Variants in REDIC1 observed in about 807,000 individuals in gnomAD.
REDIC1 encodes regulator of DNA class I crossover intermediates 1.
At chr12:39,672,763 T>C in the REDIC1 span, among the ~76,000 whole-genome samples, 7 of 152,122 alleles carry the variant, frequency 4.6e-5, no homozygotes, top group Non-Finnish European at 7.4e-5. Context: ...GCAGCACCCA[T>C]CTAGATGGAC....
chr12:39,672,416 G>A, the REDIC1 span, among the ~76,000 whole-genome samples: 1 of 152,220 alleles, frequency 6.6e-6, no homozygotes, highest in Admixed American at 6.5e-5. Context: ...CTGCTGCTAG[G>A]GGGAGGCAGT....
At chr12:39,787,539 T>C in the REDIC1 span, among the ~76,000 whole-genome samples, 48 of 152,308 alleles carry the variant, frequency 3.2e-4, no homozygotes, top group Middle Eastern at 3.4e-3. Context: ...ATACTACTTT[T>C]CTTAATCTTT....
chr12:39,712,668 C>A, the REDIC1 span, among the ~76,000 whole-genome samples: 1 of 134,390 alleles, frequency 7.4e-6, no homozygotes. Context: ...TGTATGTATA[C>A]ATGTGTATAT....
chr12:39,865,474 G>T, the REDIC1 span, among the ~76,000 whole-genome samples: 2 of 152,082 alleles, frequency 1.3e-5, no homozygotes, highest in African/African-American at 4.8e-5. Flanking sequence ...TTTCCTGTTG[G>T]TATTTGAAAG....
the REDIC1 span, chr12:39,829,486 A>C: frequency 1.3e-4 from 11 of 83,302 alleles, no homozygotes; most frequent in African/African-American, 7.1e-4. Context: ...AGCTCACTGC[A>C]ATCTCTATCT....
At chr12:39,881,419 T>G in the REDIC1 span, among the ~76,000 whole-genome samples, 1 of 152,124 alleles carries the variant, frequency 6.6e-6, no homozygotes, top group Non-Finnish European at 1.5e-5. Context: ...ATGCATCATT[T>G]CCTCACGACT....
chr12:39,678,629 C>CAAAAAAAAAAAAA, the REDIC1 span, among the ~76,000 whole-genome samples: 3 of 96,232 alleles, frequency 3.1e-5, no homozygotes, highest in Non-Finnish European at 6.2e-5. Context: ...AAAGGCATAA[C>CAAAAAAAAAAAAA]AAAAAAAAAA....
the REDIC1 span, among the ~76,000 whole-genome samples, chr12:39,631,669 C>A: frequency 6.6e-6 from 1 of 152,136 alleles, no homozygotes; most frequent in Admixed American, 6.5e-5. Flanking sequence ...TGGATAGTAT[C>A]TTCCATTTGG....
At chr12:39,804,361 C>T in the REDIC1 span, among the ~76,000 whole-genome samples, 4 of 152,068 alleles carry the variant, frequency 2.6e-5, no homozygotes, top group African/African-American at 9.7e-5. Context: ...TAATATACTT[C>T]GAGCTATGTG....
chr12:39,789,345 A>T, the REDIC1 span, among the ~76,000 whole-genome samples: 1 of 152,150 alleles, frequency 6.6e-6, no homozygotes, highest in Non-Finnish European at 1.5e-5. Flanking sequence ...TCTTAATATT[A>T]TGCTTTTGAA....
chr12:39,741,329 T>C, the REDIC1 span, among the ~76,000 whole-genome samples: 268 of 152,300 alleles, frequency 1.8e-3, 2 homozygotes, highest in Middle Eastern at 6.8e-3. Flanking sequence ...GAGCCTACCT[T>C]AATCCTGGGG....
chr12:39,705,285 G>A, the REDIC1 span, among the ~76,000 whole-genome samples: 1 of 151,884 alleles, frequency 6.6e-6, no homozygotes, highest in Non-Finnish European at 1.5e-5. Context: ...AACCTGAACA[G>A]TCCAATAACG....
chr12:39,669,748 C>T, the REDIC1 span, among the ~76,000 whole-genome samples: 20 of 152,312 alleles, frequency 1.3e-4, no homozygotes, highest in South Asian at 2.5e-3. Context: ...AAGCCTCCGC[C>T]GTGGTGGGCG....
At chr12:39,849,444 C>T in the REDIC1 span, among the ~76,000 whole-genome samples, 1 of 152,130 alleles carries the variant, frequency 6.6e-6, no homozygotes, top group Admixed American at 6.5e-5. Flanking sequence ...GAGACAGAAG[C>T]TCAGTAATGT....
At chr12:39,679,776 A>G in the REDIC1 span, among the ~76,000 whole-genome samples, 4 of 152,238 alleles carry the variant, frequency 2.6e-5, no homozygotes, top group African/African-American at 9.6e-5. Context: ...ACAGCATGGC[A>G]CTGGTATAAA....
chr12:39,697,163 G>A, the REDIC1 span, among the ~76,000 whole-genome samples: 1 of 152,172 alleles, frequency 6.6e-6, no homozygotes, highest in African/African-American at 2.4e-5. Context: ...ATACGTCTGG[G>A]AGCAGACTTT....
At chr12:39,896,542 ATG>A in the REDIC1 span, among the ~76,000 whole-genome samples, 29 of 142,688 alleles carry the variant, frequency 2.0e-4, no homozygotes, top group East Asian at 2.8e-3. Flanking sequence ...GTATGTATGT[ATG>A]TGTGTATACA....
chr12:39,720,398 ACTT>A, the REDIC1 span, among the ~76,000 whole-genome samples: 15 of 152,184 alleles, frequency 9.9e-5, no homozygotes, highest in Admixed American at 6.6e-4. Context: ...CTTCGAAGGT[ACTT>A]CTTCTAGTCT....
At chr12:39,753,721 A>G in the REDIC1 span, among the ~76,000 whole-genome samples, 1 of 152,172 alleles carries the variant, frequency 6.6e-6, no homozygotes, top group African/African-American at 2.4e-5. Context: ...ATGGATGATG[A>G]AAACAAAAGC....
Sources: allele counts gnomAD v4.1 joint callset (sites outside exome capture counted in the v4.1 genomes callset), GRCh38; gene constraint gnomAD v4.1.1; transcripts MANE v1.5; gene names NCBI Gene and HGNC (gene_info 2026-07-23, HGNC 2026-07-21).